The following GAPVD1 variants were observed in gnomAD, a reference collection of about 807,000 sequenced individuals.
GAPVD1 encodes the protein GTPase-activating protein and VPS9 domain-containing protein 1.
A neutral mutation model predicts 155.5 loss-of-function variants in GAPVD1; 35 were observed. The observed-to-expected ratio is 0.23, with a 90% CI of 0.17 to 0.30. The LOEUF is 0.30. Among genes scored for constraint, GAPVD1 ranks in the 10% least tolerant of loss-of-function variants. GAPVD1 has a pLI of 1.00. For missense variants in GAPVD1, 1,429 were observed against 1,775.7 expected, an observed-to-expected ratio of 0.80 and a Z score of 3.51; for synonymous variants, 636 against 619.7, an observed-to-expected ratio of 1.03 and a Z score of -0.39.
At chr9:125,267,300 G>A (rs924606810) in intron 1 of GAPVD1, among the ~76,000 whole-genome samples, 6 of 152,186 alleles carry the variant, frequency 3.9e-5, no homozygotes, top group African/African-American at 1.4e-4. Flanking sequence ...TGTTGTCTAG[G>A]TTGGAGTTCA....
chr9:125,321,270 T>C (rs1321287469), intron 9 of GAPVD1, among the ~76,000 whole-genome samples, 163 bp from the exon 10 acceptor site: 2 of 152,222 alleles, frequency 1.3e-5, no homozygotes, highest in African/African-American at 2.4e-5. Flanking sequence ...ATTTATATAC[T>C]TTTATTCCAC....
intron 2 of GAPVD1, among the ~76,000 whole-genome samples, chr9:125,289,274 G>A (rs1838220716): frequency 1.3e-5 from 2 of 152,112 alleles, no homozygotes; most frequent in South Asian, 4.1e-4. Context: ...TTTGAACACG[G>A]GAGCCCTATG....
At chr9:125,293,827 A>AAATATATATAT (rs1243090493) in intron 2 of GAPVD1, among the ~76,000 whole-genome samples, 18 of 121,214 alleles carry the variant, frequency 1.5e-4, no homozygotes, top group African/African-American at 5.8e-4. Flanking sequence ...TGAAATATAA[A>AAATATATATAT]AAAATATATA....
At chr9:125,306,197 G>T (rs1049851411) in intron 6 of GAPVD1, among the ~76,000 whole-genome samples, 1 of 150,430 alleles carries the variant, frequency 6.6e-6, no homozygotes, top group Admixed American at 6.6e-5. Flanking sequence ...GAGGTTCGCT[G>T]TTGTCACCCA....
chr9:125,265,339 G>A (rs1365113139), intron 1 of GAPVD1, among the ~76,000 whole-genome samples: 2 of 151,842 alleles, frequency 1.3e-5, no homozygotes, highest in Non-Finnish European at 2.9e-5. Context: ...CTGGACTTGA[G>A]TGATCCTCCT....
chr9:125,338,851 T>G (rs1380592012), intron 17 of GAPVD1, among the ~76,000 whole-genome samples: 1 of 152,166 alleles, frequency 6.6e-6, no homozygotes, highest in African/African-American at 2.4e-5. Flanking sequence ...AATATGTAAC[T>G]ATCTGTTCTC....
At chr9:125,307,245 G>A (rs933572604) in intron 6 of GAPVD1, among the ~76,000 whole-genome samples, 168 bp from the exon 7 acceptor site, 2 of 150,058 alleles carry the variant, frequency 1.3e-5, no homozygotes, top group Non-Finnish European at 3.0e-5. Flanking sequence ...TTCCAGCCTG[G>A]GTAAAAGAGT....
chr9:125,268,907 T>C (rs1588509118), intron 1 of GAPVD1, 29 bp from the exon 2 acceptor site: 2 of 152,082 alleles, frequency 1.3e-5, no homozygotes, highest in East Asian at 3.8e-4. Context: ...GTTTATTATT[T>C]TTTCCTTTTT....
At chr9:125,325,757 T>A (rs553278540) in intron 11 of GAPVD1, among the ~76,000 whole-genome samples, 1 of 152,326 alleles carries the variant, frequency 6.6e-6, no homozygotes, top group East Asian at 1.9e-4. Flanking sequence ...GGATTAAGTT[T>A]GTTGCAAGCA....
intron 19 of GAPVD1, 149 bp from the exon 20 acceptor site, chr9:125,346,670 C>G: frequency 1.4e-6 from 1 of 716,490 alleles, no homozygotes; most frequent in Non-Finnish European, 2.5e-6. Flanking sequence ...GAGTAGGCAG[C>G]TGCATGGTGC....
chr9:125,361,805 G>A (rs552495182), intron 27 of GAPVD1, among the ~76,000 whole-genome samples: 66 of 152,224 alleles, frequency 4.3e-4, no homozygotes, highest in Admixed American at 1.0e-3. Flanking sequence ...CATTTTGAGG[G>A]TGACCATGTA....
intron 15 of GAPVD1, among the ~76,000 whole-genome samples, chr9:125,335,406 G>A (rs560484356): frequency 6.6e-6 from 1 of 151,490 alleles, no homozygotes; most frequent in Non-Finnish European, 1.5e-5. Context: ...GGCTGGGCGC[G>A]GTGGCTCACG....
intron 19 of GAPVD1, among the ~76,000 whole-genome samples, chr9:125,345,510 G>A (rs149117268): frequency 1.2e-3 from 185 of 152,186 alleles, no homozygotes; most frequent in African/African-American, 4.1e-3. Flanking sequence ...GCATTTGATT[G>A]CAAAAAACTG....
intron 2 of GAPVD1, among the ~76,000 whole-genome samples, chr9:125,275,036 T>G (rs542364044): frequency 1.3e-5 from 2 of 152,084 alleles, no homozygotes; most frequent in African/African-American, 2.4e-5. Flanking sequence ...ATCTTTCTTT[T>G]TTGTTGTTGT....
chr9:125,340,601 A>G (rs1329373455), intron 17 of GAPVD1, among the ~76,000 whole-genome samples: 1 of 152,140 alleles, frequency 6.6e-6, no homozygotes, highest in East Asian at 1.9e-4. Flanking sequence ...TTTTATTATT[A>G]TTAATACTAC....
intron 19 of GAPVD1, chr9:125,346,029 G>A (rs377049228): frequency 6.6e-6 from 1 of 152,206 alleles, no homozygotes; most frequent in Non-Finnish European, 1.5e-5. Flanking sequence ...ACTTTGTCCT[G>A]TAGATCTATA....
chr9:125,359,660 G>A (rs1201266939), intron 26 of GAPVD1, 168 bp downstream of exon 26: 6 of 552,366 alleles, frequency 1.1e-5, no homozygotes, highest in Non-Finnish European at 1.6e-5. Flanking sequence ...TGCTTTCAGG[G>A]ATTAAAATTC....
In GAPVD1 at chr9:125,357,898, C is replaced by T. The variant is rs893476415; in HGVS notation, c.3972-1522C>T. On this transcript the variant is annotated intron_variant, in intron 25 of 27. Transcript: ENST00000297933. Reference sequence around the variant, plus strand: ...ACTGAAGCAGGAGGATTGCTTGAACCCAGGAGGCAGAGGTTGCAGAGAGCC... The same window carrying T: ...ACTGAAGCAGGAGGATTGCTTGAACTCAGGAGGCAGAGGTTGCAGAGAGCC... Among the ~76,000 whole-genome samples the T allele has an allele frequency of 3.5e-4, 53 of 150,458 alleles. 1 individual carries two copies. The highest frequency in any genetic ancestry group is 3.1e-3 in the Admixed American group (47 of 15,126).
chr9:125,341,896 A>C (rs1847891649), intron 18 of GAPVD1: 2 of 179,598 alleles, frequency 1.1e-5, no homozygotes, highest in African/African-American at 2.4e-5. Context: ...CGCCATACTC[A>C]AGCGCTTGAT....
Sources: gnomAD v4.1 joint callset for allele counts (sites outside exome capture counted in the v4.1 genomes callset) on GRCh38, gnomAD v4.1.1 for gene constraint, MANE v1.5 for transcripts, NCBI Gene and HGNC (gene_info 2026-07-23, HGNC 2026-07-21) for gene names.